The following DLGAP2 variants were observed in gnomAD, a reference collection of about 807,000 sequenced individuals.
DLGAP2 encodes the protein DLG associated protein 2.
DLGAP2 carries 26 observed loss-of-function variants against 100.3 expected under a neutral mutation model. The ratio of observed to expected loss-of-function variants is 0.26; its 90% CI spans 0.19 to 0.36. The LOEUF (loss-of-function observed/expected upper bound fraction) is 0.36. DLGAP2 is among the 10% of genes least tolerant of loss of function. DLGAP2 has a pLI of 1.00. For synonymous variants in DLGAP2, 886 were observed against 630.1 expected, an observed-to-expected ratio of 1.41 and a Z score of -6.08; for missense variants, 1,858 against 1,453.2, an observed-to-expected ratio of 1.28 and a Z score of -4.53.
intron 2 of DLGAP2, among the ~76,000 whole-genome samples, chr8:1,105,279 A>C (rs548474693): frequency 2.0e-4 from 30 of 152,368 alleles, no homozygotes; most frequent in African/African-American, 6.7e-4. Flanking sequence ...GTATTCTGAA[A>C]GTGAAGACTC....
At position 887,196 on chromosome 8, in the gene DLGAP2, C is replaced by CT. The variant is rs934799887; in HGVS notation, c.19-20705dup. On this transcript the variant is annotated intron_variant, in intron 1 of 14. Coordinates refer to ENST00000637795, the MANE Select transcript of DLGAP2 (RefSeq NM_001346810.2). The stretch of plus-strand genomic sequence containing the variant: ...TCAGAGATTAGGATTGCAACCCCTG[C>CT]TTTTTTTTTTTGCTTTCCATTTGCT... 9.3e-4 allele frequency among the ~76,000 whole-genome samples: 135 copies of CT among 144,848 alleles called. 1 individual carries two copies. Among genetic ancestry groups the CT allele is most frequent in the Middle Eastern group, 7.1e-3 (2 of 280 alleles).
At chr8:1,037,400 T>C (rs575312621) in intron 2 of DLGAP2, among the ~76,000 whole-genome samples, 3 of 152,246 alleles carry the variant, frequency 2.0e-5, no homozygotes, top group Non-Finnish European at 2.9e-5. Flanking sequence ...GGTGTTATCA[T>C]TGACTCAGAC....
At chr8:1,324,741 G>T (rs1800981861) in intron 3 of DLGAP2, among the ~76,000 whole-genome samples, 1 of 152,130 alleles carries the variant, frequency 6.6e-6, no homozygotes. Context: ...TGAGATATTT[G>T]GGCAGGCACG....
chr8:1,208,396 T>C (rs1277949149), intron 2 of DLGAP2, among the ~76,000 whole-genome samples: 1 of 152,202 alleles, frequency 6.6e-6, no homozygotes, highest in East Asian at 1.9e-4. Flanking sequence ...ATCTCAACAG[T>C]TGCAGAAAAA....
At chr8:1,091,800 C>G (rs907380549) in intron 2 of DLGAP2, among the ~76,000 whole-genome samples, 47 of 151,998 alleles carry the variant, frequency 3.1e-4, no homozygotes, top group African/African-American at 1.1e-3. Context: ...CCACTCCTAC[C>G]CCTCCGCAGC....
chr8:1,338,084 T>C (rs980723367), intron 3 of DLGAP2, among the ~76,000 whole-genome samples: 1 of 152,220 alleles, frequency 6.6e-6, no homozygotes, highest in East Asian at 1.9e-4. Flanking sequence ...AGACAGCCCA[T>C]GGGCACGTAA....
chr8:769,025 G>A (rs79022990), intron 1 of DLGAP2, among the ~76,000 whole-genome samples: 1 of 152,010 alleles, frequency 6.6e-6, no homozygotes, highest in African/African-American at 2.4e-5. Flanking sequence ...GACACCAAGG[G>A]ATTGTTTCGA....
At chr8:1,083,063 G>A (rs1803862854) in intron 2 of DLGAP2, among the ~76,000 whole-genome samples, 1 of 152,192 alleles carries the variant, frequency 6.6e-6, no homozygotes, top group African/African-American at 2.4e-5. Flanking sequence ...TGAGTTTGCT[G>A]TCAGTCAAGC....
chr8:752,280 C>A (rs1200767846), intron 1 of DLGAP2, among the ~76,000 whole-genome samples: 3 of 152,218 alleles, frequency 2.0e-5, no homozygotes, highest in African/African-American at 7.2e-5. Context: ...AATCCCCAGG[C>A]TGCCGGCTAC....
chr8:1,542,943 T>C (rs887641835), intron 4 of DLGAP2, among the ~76,000 whole-genome samples: 5 of 152,212 alleles, frequency 3.3e-5, no homozygotes, highest in African/African-American at 1.2e-4. Context: ...TGGTTTTGAT[T>C]TCATTTCCCT....
chr8:1,234,498 G>C (rs898028171), intron 2 of DLGAP2, among the ~76,000 whole-genome samples: 7 of 152,100 alleles, frequency 4.6e-5, no homozygotes, highest in Admixed American at 3.3e-4. Flanking sequence ...CCCAGGATTA[G>C]GGTGACCTCT....
At chr8:944,705 T>C (rs1005007417) in intron 2 of DLGAP2, among the ~76,000 whole-genome samples, 1 of 151,574 alleles carries the variant, frequency 6.6e-6, no homozygotes, top group African/African-American at 2.4e-5. Flanking sequence ...GTAACGACTT[T>C]GTGCAGGTGA....
intron 1 of DLGAP2, among the ~76,000 whole-genome samples, chr8:761,246 C>CCAG (rs1821075587): frequency 6.6e-6 from 1 of 152,148 alleles, no homozygotes; most frequent in African/African-American, 2.4e-5. Context: ...TTGGTAGAAC[C>CCAG]TGCTGGTCTT....
intron 3 of DLGAP2, among the ~76,000 whole-genome samples, chr8:1,260,238 T>A (rs1251686898): frequency 6.6e-6 from 1 of 152,196 alleles, no homozygotes; most frequent in Admixed American, 6.5e-5. Context: ...TATTATAACT[T>A]CCATTGCCAT....
At chr8:829,629 C>T (rs1052187215) in intron 1 of DLGAP2, among the ~76,000 whole-genome samples, 4 of 152,044 alleles carry the variant, frequency 2.6e-5, no homozygotes, top group Non-Finnish European at 5.9e-5. Context: ...TTTCTTTTTT[C>T]AAACTATGTA....
chr8:1,114,230 A>T (rs1184817448), intron 2 of DLGAP2, among the ~76,000 whole-genome samples: 1 of 151,760 alleles, frequency 6.6e-6, no homozygotes, highest in Non-Finnish European at 1.5e-5. Flanking sequence ...GTTGGGGAGG[A>T]GTCCCTCCTT....
intron 2 of DLGAP2, among the ~76,000 whole-genome samples, chr8:933,156 G>T (rs1753316847): frequency 6.6e-6 from 1 of 152,232 alleles, no homozygotes; most frequent in African/African-American, 2.4e-5. Context: ...AGGAAGCTTT[G>T]GCTTATGGGT....
intron 1 of DLGAP2, among the ~76,000 whole-genome samples, chr8:785,288 C>T (rs1196777104): frequency 6.7e-6 from 1 of 149,594 alleles, no homozygotes; most frequent in Non-Finnish European, 1.5e-5. Flanking sequence ...CCGGATCCTG[C>T]CATGCTTGAG....
chr8:1,003,847 C>T (rs1445014738), intron 2 of DLGAP2, among the ~76,000 whole-genome samples: 3 of 152,188 alleles, frequency 2.0e-5, no homozygotes, highest in South Asian at 2.1e-4. Flanking sequence ...GATGACATGA[C>T]ATTCTATCAA....
Sources: allele counts gnomAD v4.1 joint callset (sites outside exome capture counted in the v4.1 genomes callset), GRCh38; gene constraint gnomAD v4.1.1; transcripts MANE v1.5; gene names NCBI Gene and HGNC (gene_info 2026-07-23, HGNC 2026-07-21).